PTPRM: variants seen among roughly 807,000 people sequenced by gnomAD.
PTPRM encodes the protein receptor-type tyrosine-protein phosphatase mu.
A neutral mutation model predicts 186.7 loss-of-function variants in PTPRM; 47 were observed. That is an observed-to-expected ratio of 0.25 (90% CI 0.20 to 0.32). The LOEUF (loss-of-function observed/expected upper bound fraction) is 0.32, where lower values mean the gene tolerates loss of function less well. PTPRM is among the 10% of genes least tolerant of loss of function. The pLI is 1.00. For synonymous variants in PTPRM, 668 were observed against 674.9 expected, an observed-to-expected ratio of 0.99 and a Z score of 0.16; for missense variants, 1,494 against 1,865.0, an observed-to-expected ratio of 0.80 and a Z score of 3.66.
At chr18:7,888,517 A>G (rs1463067149) in intron 3 of PTPRM, 140 bp downstream of exon 3, 5 of 985,282 alleles carry the variant, frequency 5.1e-6, no homozygotes, top group South Asian at 1.9e-5. Context: ...CTCTCATCCT[A>G]TACTGTTGGT....
At chr18:8,283,176 A>C (rs935763866) in intron 19 of PTPRM, among the ~76,000 whole-genome samples, 1 of 152,184 alleles carries the variant, frequency 6.6e-6, no homozygotes, top group Admixed American at 6.5e-5. Flanking sequence ...GCATGGAACT[A>C]TACACACACA....
intron 1 of PTPRM, among the ~76,000 whole-genome samples, chr18:7,703,345 C>T (rs1459815750): frequency 6.6e-6 from 1 of 152,110 alleles, no homozygotes; most frequent in East Asian, 1.9e-4. Flanking sequence ...TCTCTCATTT[C>T]CTTGAGCAGT....
intron 1 of PTPRM, among the ~76,000 whole-genome samples, chr18:7,578,859 A>C (rs1434957938): frequency 6.6e-6 from 1 of 152,092 alleles, no homozygotes; most frequent in Non-Finnish European, 1.5e-5. Flanking sequence ...TTCATGTGTA[A>C]TTAGTGGTCA....
intron 1 of PTPRM, among the ~76,000 whole-genome samples, chr18:7,696,779 T>G (rs1175403332): frequency 2.6e-5 from 4 of 152,230 alleles, no homozygotes; most frequent in Non-Finnish European, 5.9e-5. Context: ...TGTGCACATT[T>G]TTTTGTTAAC....
At chr18:7,755,580 G>A (rs570635544) in intron 1 of PTPRM, among the ~76,000 whole-genome samples, 84 of 152,276 alleles carry the variant, frequency 5.5e-4, no homozygotes, top group African/African-American at 2.0e-3. Flanking sequence ...TTTATTTTGT[G>A]CTATGTGTGT....
intron 7 of PTPRM, among the ~76,000 whole-genome samples, chr18:7,966,463 C>T (rs2054060464): frequency 6.6e-6 from 1 of 152,006 alleles, no homozygotes; most frequent in Admixed American, 6.6e-5. Flanking sequence ...CCAAGATGGC[C>T]GAATAGGAAC....
At chr18:7,661,334 T>C (rs1296160880) in intron 1 of PTPRM, among the ~76,000 whole-genome samples, 1 of 152,202 alleles carries the variant, frequency 6.6e-6, no homozygotes, top group Admixed American at 6.5e-5. Flanking sequence ...AGATCTCCCA[T>C]TGGTTTTGTT....
intron 1 of PTPRM, among the ~76,000 whole-genome samples, chr18:7,699,168 G>A (rs1404911958): frequency 6.6e-6 from 1 of 152,126 alleles, no homozygotes; most frequent in African/African-American, 2.4e-5. Flanking sequence ...TCTAACCAAT[G>A]CCTGATGATC....
intron 1 of PTPRM, among the ~76,000 whole-genome samples, chr18:7,684,122 G>A (rs1048390108): frequency 6.6e-6 from 1 of 151,838 alleles, no homozygotes; most frequent in Non-Finnish European, 1.5e-5. Flanking sequence ...TCAGAAATTA[G>A]AATCTCCTAT....
chr18:8,267,292 A>AT (rs931110189), intron 19 of PTPRM, among the ~76,000 whole-genome samples: 2 of 151,776 alleles, frequency 1.3e-5, no homozygotes, highest in Admixed American at 6.6e-5. Flanking sequence ...GGTTGCTTTT[A>AT]TTTTTTTTCT....
At chr18:8,224,081 T>C (rs1048517856) in intron 14 of PTPRM, among the ~76,000 whole-genome samples, 2 of 152,222 alleles carry the variant, frequency 1.3e-5, no homozygotes, top group African/African-American at 4.8e-5. Context: ...CCAGCACTTT[T>C]GGCTAGACAG....
intron 2 of PTPRM, among the ~76,000 whole-genome samples, chr18:7,872,240 A>G (rs2048018775): frequency 6.6e-6 from 1 of 152,186 alleles, no homozygotes; most frequent in Admixed American, 6.5e-5. Flanking sequence ...TTTGGACACC[A>G]TCAGCTCCCC....
At chr18:7,731,306 A>G (rs572560058) in intron 1 of PTPRM, among the ~76,000 whole-genome samples, 1 of 152,346 alleles carries the variant, frequency 6.6e-6, no homozygotes, top group African/African-American at 2.4e-5. Flanking sequence ...TCAGTTTAGT[A>G]CTATAGCAAT....
At chr18:8,286,009 C>A (rs1220128476) in intron 19 of PTPRM, among the ~76,000 whole-genome samples, 2 of 152,150 alleles carry the variant, frequency 1.3e-5, no homozygotes, top group African/African-American at 2.4e-5. Flanking sequence ...TGCGAAATTT[C>A]ATTTGCAAGT....
chr18:8,162,734 G>A (rs2093253723), intron 14 of PTPRM, among the ~76,000 whole-genome samples: 1 of 152,172 alleles, frequency 6.6e-6, no homozygotes, highest in Non-Finnish European at 1.5e-5. Context: ...TAAGTACATA[G>A]CATATTTCCC....
chr18:8,380,813 A>C lies in PTPRM; in HGVS notation c.3918+386A>C, dbSNP rs112950346. ...AAACCAGAGGACAGTGGAGAAGGGA[A>C]GATAGCGTTTGACCCAGCCCAGATC... On this transcript the variant is annotated intron_variant, in intron 29 of 32. Coordinates refer to ENST00000580170, the MANE Select transcript of PTPRM (RefSeq NM_001105244.2). Among the ~76,000 whole-genome samples the C allele has an allele frequency of 5.0e-3, 763 of 152,244 alleles. 6 individuals are homozygous for C. Among genetic ancestry groups the C allele is most frequent in the African/African-American group, 0.017 (724 of 41,538 alleles).
intron 14 of PTPRM, among the ~76,000 whole-genome samples, chr18:8,227,640 T>G (rs1461528175): frequency 2.0e-5 from 3 of 152,178 alleles, no homozygotes; most frequent in African/African-American, 7.2e-5. Flanking sequence ...TTTAGCGAGT[T>G]TAACAAACAT....
At chr18:7,809,565 C>G (rs1337619311) in intron 2 of PTPRM, among the ~76,000 whole-genome samples, 2 of 152,128 alleles carry the variant, frequency 1.3e-5, no homozygotes, top group Non-Finnish European at 2.9e-5. Context: ...TGTAGCTCCT[C>G]GGTCCTCCAC....
chr18:8,387,168 A>C lies in PTPRM; in HGVS notation c.4141A>C (p.Ile1381Leu). ...PVSKRSFLKL[I>L]RQVDKWQEEY... is the part of the protein sequence containing the mutation. Reference sequence around the variant, plus strand: ...GTCTAAGCGCTCCTTCTTGAAGCTCATTCGCCAGGTGGACAAGTGGCAAGA... The same window carrying C: ...GTCTAAGCGCTCCTTCTTGAAGCTCCTTCGCCAGGTGGACAAGTGGCAAGA... The change falls in exon 31 of 33, where the codon ATT becomes CTT. Residue 1381 changes from isoleucine to leucine, a missense_variant. Around this residue, in one of 3 missense-constraint regions of PTPRM, gnomAD observed 1,107 missense variants for 1,350.2 expected, o/e 0.82. Transcript: ENST00000580170. The C allele has an allele frequency of 2.5e-6, 4 of 1,613,694 alleles. No homozygotes were observed. The highest frequency in any genetic ancestry group is 3.4e-6 in the Non-Finnish European group (4 of 1,179,554).
Sources: allele counts gnomAD v4.1 joint callset (sites outside exome capture counted in the v4.1 genomes callset), GRCh38; gene constraint gnomAD v4.1.1; regional missense constraint gnomAD v4.1.1; transcripts MANE v1.5; gene names NCBI Gene and HGNC (gene_info 2026-07-23, HGNC 2026-07-21).